The following ARMH3 variants were observed in gnomAD, a reference collection of about 807,000 sequenced individuals.
ARMH3 encodes armadillo like helical domain containing 3, also known as armadillo-like helical domain-containing protein 3.
Under a neutral mutation model 99.1 loss-of-function variants are expected in ARMH3, and 60 were observed. The observed-to-expected ratio is 0.61, with a 90% CI of 0.49 to 0.75. ARMH3 has a LOEUF of 0.75. Among genes scored for constraint, ARMH3 ranks in the 30% least tolerant of loss-of-function variants. ARMH3 has a pLI of 0.00. For missense variants in ARMH3, 679 were observed against 843.1 expected (o/e 0.81, Z 2.41); for synonymous variants, 285 against 292.8 (o/e 0.97, Z 0.27).
chr10:101,847,391 G>A lies in ARMH3; in HGVS notation c.*137C>T. On this transcript the variant is annotated 3_prime_UTR_variant, in exon 26 of 26. Transcript: ENST00000370033. Reference sequence around the variant, plus strand: ...CCCCTGCTGCCCAAGCTCCATTGAAGTGCGGTCTTCACCAAGAGAACTTGG... The same window carrying A: ...CCCCTGCTGCCCAAGCTCCATTGAAATGCGGTCTTCACCAAGAGAACTTGG... 1.2e-6 allele frequency: 1 copy of A among 820,072 alleles called. No homozygotes were observed. The highest frequency in any genetic ancestry group is 2.5e-5 in the East Asian group (1 of 39,676). 50.8% of individuals were successfully genotyped at this position (820,072 alleles called of 1,614,324 possible).
chr10:102,053,539 T>C (rs921699111), intron 1 of ARMH3, among the ~76,000 whole-genome samples: 1 of 151,970 alleles, frequency 6.6e-6, no homozygotes, highest in African/African-American at 2.4e-5. Context: ...CGAGTAAAAA[T>C]GCCTTTTCTT....
At position 102,005,420 on chromosome 10, in the gene ARMH3, G is replaced by A. The variant is rs542574354; in HGVS notation, c.1048+1120C>T. ...AAAAAAAAAGATATTTTGGGATTTG[G>A]CTTTCAATTCTAAACAGATCCAATT... On this transcript the variant is annotated intron_variant, in intron 14 of 25. Transcript: ENST00000370033. Among the ~76,000 whole-genome samples the A allele has an allele frequency of 9.5e-4, 144 of 151,158 alleles. 1 individual carries two copies. Among genetic ancestry groups the A allele is most frequent in the Admixed American group, 2.9e-3 (44 of 15,158 alleles).
At chr10:101,861,787 C>T (rs1471321540) in intron 24 of ARMH3, among the ~76,000 whole-genome samples, 12 of 142,024 alleles carry the variant, frequency 8.4e-5, no homozygotes, top group Non-Finnish European at 3.0e-5. Context: ...AATCCCAGCA[C>T]TTTGGGAGGC....
chr10:101,985,188 A>G lies in ARMH3; in HGVS notation c.1406+5363T>C, dbSNP rs548148628. Reference sequence around the variant, plus strand: ...TACGTGTACACATATATGAATATATATGTGTGTATATATATACGTATATAT... The same window carrying G: ...TACGTGTACACATATATGAATATATGTGTGTGTATATATATACGTATATAT... On this transcript the variant is annotated intron_variant, in intron 19 of 25. Transcript: ENST00000370033. Among the ~76,000 whole-genome samples, 7 of 147,228 alleles carry G rather than the reference A, an allele frequency of 4.8e-5. No individual in the cohort carries two copies. In the South Asian group the frequency reaches 1.1e-3, roughly 22 times the overall value.
intron 1 of ARMH3, among the ~76,000 whole-genome samples, chr10:102,050,283 A>T (rs2136292298): frequency 6.6e-6 from 1 of 152,046 alleles, no homozygotes; most frequent in African/African-American, 2.4e-5. Flanking sequence ...TCTACTAAAA[A>T]TACAAAAAAA....
At chr10:101,882,153 A>C (rs1431709121) in intron 24 of ARMH3, among the ~76,000 whole-genome samples, 1 of 152,230 alleles carries the variant, frequency 6.6e-6, no homozygotes, top group African/African-American at 2.4e-5. Context: ...TGAAGAATGC[A>C]AGAATGGGCC....
intron 14 of ARMH3, among the ~76,000 whole-genome samples, chr10:102,004,328 A>G (rs2066435083): frequency 6.6e-6 from 1 of 152,220 alleles, no homozygotes; most frequent in South Asian, 2.1e-4. Flanking sequence ...AGACAGGGAA[A>G]AGAACAAATA....
chr10:101,850,295 C>T (rs887608424), intron 24 of ARMH3, among the ~76,000 whole-genome samples: 6 of 151,636 alleles, frequency 4.0e-5, no homozygotes, highest in Non-Finnish European at 7.4e-5. Context: ...GATGGTGTTT[C>T]GCCATGTTGG....
At chr10:101,850,532 C>G (rs1244807567) in intron 24 of ARMH3, among the ~76,000 whole-genome samples, 1 of 151,792 alleles carries the variant, frequency 6.6e-6, no homozygotes, top group Non-Finnish European at 1.5e-5. Context: ...TCAAGCAATT[C>G]TCATGCCTCA....
intron 24 of ARMH3, among the ~76,000 whole-genome samples, chr10:101,865,013 G>A (rs1477959740): frequency 6.6e-6 from 1 of 151,622 alleles, no homozygotes; most frequent in Non-Finnish European, 1.5e-5. Flanking sequence ...TCAGAAGATC[G>A]AGACCATCAT....
chr10:102,034,242 A>C (rs993597517), intron 2 of ARMH3, among the ~76,000 whole-genome samples: 1 of 152,222 alleles, frequency 6.6e-6, no homozygotes, highest in African/African-American at 2.4e-5. Flanking sequence ...TGGTCCAAAG[A>C]GTAAGCAAAA....
intron 5 of ARMH3, among the ~76,000 whole-genome samples, chr10:102,026,725 G>T (rs1177601769): frequency 5.9e-5 from 9 of 152,134 alleles, no homozygotes. Flanking sequence ...TAGGGAGTTT[G>T]GTCTTTATCC....
intron 24 of ARMH3, among the ~76,000 whole-genome samples, chr10:101,885,974 T>C (rs1054165168): frequency 2.6e-5 from 4 of 151,870 alleles, no homozygotes; most frequent in Admixed American, 1.3e-4. Flanking sequence ...GGAGAATTGA[T>C]TGAACCCGAG....
In ARMH3 at chr10:101,975,266, A is replaced by G; in HGVS notation, c.1441T>C (p.Tyr481His). The change falls in exon 20 of 26, where the codon TAC becomes CAC. Residue 481 changes from tyrosine (Y) to histidine (H), a missense_variant. Transcript: ENST00000370033. The stretch of plus-strand genomic sequence containing the variant: ...AGGCGTACCCGACACTTCTTCTGGT[A>G]GCAGAGCAGTTTGTGTACTACCTGG... Reference protein sequence around the residue: ...CIQVVHKLLCYQKKCRVRLHY... With the variant: ...CIQVVHKLLCHQKKCRVRLHY... 1 of 1,612,716 alleles carries G rather than the reference A, an allele frequency of 6.2e-7. No individual in the cohort carries two copies. Among genetic ancestry groups the G allele is most frequent in the African/African-American group, 1.3e-5 (1 of 74,994 alleles).
intron 15 of ARMH3, among the ~76,000 whole-genome samples, chr10:102,000,610 C>A (rs904235853): frequency 5.4e-5 from 8 of 148,578 alleles, no homozygotes; most frequent in South Asian, 2.2e-4. Context: ...AATACACACA[C>A]AAAAAAAATA....
chr10:101,926,125 T>C (rs566237946), intron 23 of ARMH3, among the ~76,000 whole-genome samples: 81 of 152,348 alleles, frequency 5.3e-4, no homozygotes, highest in South Asian at 1.0e-3. Flanking sequence ...CAAGGCCCAA[T>C]AGAAAAGACG....
At chr10:102,050,130 C>G (rs1214212005) in intron 1 of ARMH3, among the ~76,000 whole-genome samples, 1 of 150,890 alleles carries the variant, frequency 6.6e-6, no homozygotes, top group East Asian at 2.0e-4. Flanking sequence ...GCGATAGAGC[C>G]AGACTCAGTC....
At chr10:101,924,728 T>C (rs1168294198) in intron 23 of ARMH3, among the ~76,000 whole-genome samples, 2 of 152,108 alleles carry the variant, frequency 1.3e-5, no homozygotes, top group Admixed American at 1.3e-4. Context: ...GAGTAGCGGC[T>C]CATGCCTGTA....
In ARMH3 at chr10:101,895,045, T is replaced by C. The variant is rs753010051; in HGVS notation, c.1782-5555A>G. On this transcript the variant is annotated intron_variant, in intron 23 of 25. Coordinates refer to ENST00000370033, the MANE Select transcript of ARMH3 (RefSeq NM_024541.3). Reference sequence around the variant, plus strand: ...GAACTGTGAGAAAATACAGGAAGGTTTGAGTGGACAATGAATGAGAAAACA... The same window carrying C: ...GAACTGTGAGAAAATACAGGAAGGTCTGAGTGGACAATGAATGAGAAAACA... Among the ~76,000 whole-genome samples the C allele has an allele frequency of 7.0e-4, 106 of 152,166 alleles. 5 individuals carry two copies. Among genetic ancestry groups the C allele is most frequent in the Non-Finnish European group, 1.2e-4 (8 of 68,002 alleles).
Sources: allele counts gnomAD v4.1 joint callset (sites outside exome capture counted in the v4.1 genomes callset), GRCh38; gene constraint gnomAD v4.1.1; transcripts MANE v1.5; gene names NCBI Gene and HGNC (gene_info 2026-07-23, HGNC 2026-07-21).